RALGAPA2: variants seen among roughly 807,000 people sequenced by gnomAD.
The protein encoded by RALGAPA2 is Ral GTPase activating protein catalytic subunit alpha 2.
Under a neutral mutation model 230.4 loss-of-function variants are expected in RALGAPA2, and 139 were observed. The observed-to-expected ratio is 0.60, with a 90% CI of 0.53 to 0.69. The LOEUF is 0.69. Among genes scored for constraint, RALGAPA2 ranks in the 30% least tolerant of loss-of-function variants. The probability of loss-of-function intolerance (pLI) is 0.00; values close to 1 mark genes in which losing one functional copy is unlikely to be tolerated. For synonymous variants in RALGAPA2, 847 were observed against 837.8 expected, an observed-to-expected ratio of 1.01 and a Z score of -0.19; for missense variants, 2,163 against 2,276.0, an observed-to-expected ratio of 0.95 and a Z score of 1.01.
At chr20:20,525,399 C>T (rs2063170241) in intron 28 of RALGAPA2, among the ~76,000 whole-genome samples, 1 of 152,156 alleles carries the variant, frequency 6.6e-6, no homozygotes, top group African/African-American at 2.4e-5. Context: ...GTTCCCATGT[C>T]CAAACTCCAT....
intron 3 of RALGAPA2, among the ~76,000 whole-genome samples, chr20:20,668,037 G>T (rs1020546349): frequency 6.6e-6 from 1 of 152,100 alleles, no homozygotes; most frequent in African/African-American, 2.4e-5. Context: ...AAAGTCCCCT[G>T]CATTACAAGG....
intron 1 of RALGAPA2, among the ~76,000 whole-genome samples, chr20:20,699,736 G>A (rs150965273): frequency 1.3e-5 from 2 of 151,988 alleles, no homozygotes; most frequent in Non-Finnish European, 2.9e-5. Flanking sequence ...TCAAAGAAAT[G>A]CAAATCAAAA....
chr20:20,622,655 T>C (rs1453486318), intron 10 of RALGAPA2, among the ~76,000 whole-genome samples: 1 of 152,174 alleles, frequency 6.6e-6, no homozygotes, highest in Non-Finnish European at 1.5e-5. Context: ...TGAGAAAATT[T>C]GCTACCAGGA....
chr20:20,633,022 T>C (rs894845829), intron 9 of RALGAPA2, among the ~76,000 whole-genome samples: 5 of 151,726 alleles, frequency 3.3e-5, no homozygotes, highest in Non-Finnish European at 2.9e-5. Context: ...TCTCTCTCTC[T>C]CTCTTTCTTT....
chr20:20,511,084 T>G (rs2062691161), intron 33 of RALGAPA2, among the ~76,000 whole-genome samples, 170 bp downstream of exon 33: 1 of 152,168 alleles, frequency 6.6e-6, no homozygotes, highest in Non-Finnish European at 1.5e-5. Context: ...AGTTTATTCC[T>G]TATAGTAAAA....
chr20:20,481,682 A>T (rs1215099695), intron 36 of RALGAPA2, among the ~76,000 whole-genome samples: 1 of 152,244 alleles, frequency 6.6e-6, no homozygotes, highest in African/African-American at 2.4e-5. Flanking sequence ...GTGTACACAG[A>T]ATATAAAAAG....
chr20:20,634,952 A>G (rs1231973023), intron 9 of RALGAPA2, among the ~76,000 whole-genome samples: 1 of 152,222 alleles, frequency 6.6e-6, no homozygotes, highest in African/African-American at 2.4e-5. Flanking sequence ...CTCAACAGCC[A>G]GCCCCAAATC....
intron 12 of RALGAPA2, among the ~76,000 whole-genome samples, chr20:20,616,586 G>A (rs1010569362): frequency 1.3e-5 from 2 of 152,236 alleles, no homozygotes; most frequent in South Asian, 4.1e-4. Flanking sequence ...AATGGGAGGA[G>A]TAGAGGATAG....
intron 38 of RALGAPA2, among the ~76,000 whole-genome samples, chr20:20,405,419 C>T (rs1029331466): frequency 2.5e-4 from 38 of 152,128 alleles, no homozygotes; most frequent in African/African-American, 9.2e-4. Context: ...CCTGAAGTGC[C>T]CTGCACAGTC....
chr20:20,630,996 G>A (rs899788692), intron 9 of RALGAPA2, among the ~76,000 whole-genome samples: 7 of 152,010 alleles, frequency 4.6e-5, no homozygotes, highest in African/African-American at 7.3e-5. Flanking sequence ...CCACAGAGAC[G>A]TGAGGCCCAT....
chr20:20,620,430 C>T, intron 11 of RALGAPA2, 33 bp downstream of exon 11: 1 of 1,602,402 alleles, frequency 6.2e-7, no homozygotes. Flanking sequence ...AATATATTTA[C>T]CCTCAACTCA....
intron 37 of RALGAPA2, among the ~76,000 whole-genome samples, chr20:20,432,543 C>G (rs2060522771): frequency 6.6e-6 from 1 of 152,118 alleles, no homozygotes; most frequent in South Asian, 2.1e-4. Context: ...CCTAATCCCC[C>G]TGAGTGGAAG....
intron 16 of RALGAPA2, among the ~76,000 whole-genome samples, chr20:20,601,078 C>T (rs986453614): frequency 2.0e-5 from 3 of 151,004 alleles, no homozygotes; most frequent in Non-Finnish European, 4.4e-5. Context: ...TCAGCCTGGG[C>T]GTCAGAGCGA....
At chr20:20,639,457 G>A (rs963351510) in intron 7 of RALGAPA2, among the ~76,000 whole-genome samples, 3 of 152,148 alleles carry the variant, frequency 2.0e-5, no homozygotes, top group African/African-American at 7.2e-5. Context: ...CAGATCCCCT[G>A]GTCTGCTCTG....
intron 4 of RALGAPA2, among the ~76,000 whole-genome samples, chr20:20,648,563 A>G (rs951944749): frequency 4.6e-5 from 7 of 152,108 alleles, no homozygotes; most frequent in Non-Finnish European, 8.8e-5. Flanking sequence ...AGAAAAAAAG[A>G]TCAGGCGACC....
intron 38 of RALGAPA2, among the ~76,000 whole-genome samples, chr20:20,402,391 C>G (rs1298050001): frequency 6.6e-6 from 1 of 152,230 alleles, no homozygotes; most frequent in Non-Finnish European, 1.5e-5. Flanking sequence ...TTTAAAGTCT[C>G]TTGAATCACT....
Position 20,503,375 on chromosome 20 carries a change from G to C in RALGAPA2, c.5184C>G (p.Asp1728Glu), listed in dbSNP as rs752624593. The change falls in exon 35 of 40, where the codon GAC (aspartate) becomes GAG (glutamate). Residue 1728 changes from aspartate (D) to glutamate (E), a missense_variant. Coordinates refer to ENST00000202677, the MANE Select transcript of RALGAPA2 (RefSeq NM_020343.4). The stretch of plus-strand genomic sequence containing the variant: ...CCTTTTTGGTGAGGGAATCATCTGA[G>C]TCTGACGGCATTCGAGTGGAAACAT... ...IFHVSTRMPS[D>E]SDDSLTKKLR... 4 of 1,600,688 alleles carry C rather than the reference G, an allele frequency of 2.5e-6. No homozygotes were observed. The highest frequency in any genetic ancestry group is 2.6e-6 in the Non-Finnish European group (3 of 1,171,550).
chr20:20,651,787 G>T (rs1428080353), intron 4 of RALGAPA2, among the ~76,000 whole-genome samples: 2 of 152,120 alleles, frequency 1.3e-5, no homozygotes, highest in African/African-American at 2.4e-5. Context: ...TCATACAAAT[G>T]ATATAAACAA....
intron 38 of RALGAPA2, among the ~76,000 whole-genome samples, chr20:20,402,047 T>C (rs956523379): frequency 6.6e-6 from 1 of 152,078 alleles, no homozygotes; most frequent in Non-Finnish European, 1.5e-5. Context: ...TGTGGGTGGG[T>C]CCCCCACAGC....
Sources: gnomAD v4.1 joint callset for allele counts (sites outside exome capture counted in the v4.1 genomes callset) on GRCh38, gnomAD v4.1.1 for gene constraint, MANE v1.5 for transcripts, NCBI Gene and HGNC (gene_info 2026-07-23, HGNC 2026-07-21) for gene names.